Variants in RAD9A observed in about 807,000 individuals in gnomAD.
The protein encoded by RAD9A is cell cycle checkpoint control protein RAD9A.
RAD9A carries 25 observed loss-of-function variants against 41.2 expected under a neutral mutation model. The ratio of observed to expected loss-of-function variants is 0.61; its 90% CI spans 0.44 to 0.85. RAD9A has a LOEUF of 0.85. Ranked by LOEUF, RAD9A falls within the 40% of genes least tolerant of loss-of-function variation. RAD9A has a pLI of 0.00. For synonymous variants in RAD9A, 252 were observed against 210.6 expected (o/e 1.20, Z -1.70); for missense variants, 514 against 518.3 (o/e 0.99, Z 0.08).
intron 2 of RAD9A, 28 bp downstream of exon 2, chr11:67,392,259 T>TGGGGGTTTGGGTGGGGGGGGGGGGG: frequency 2.1e-6 from 1 of 484,300 alleles, no homozygotes; most frequent in Non-Finnish European, 4.1e-6. Context: ...GGGGGGCGGG[T>TGGGGGTTTGGGTGGGGGGGGGGGGG]GGGACTCCAG....
At position 67,397,731 on chromosome 11, in the gene RAD9A, C is replaced by T. The variant is rs530926872; in HGVS notation, c.*172C>T. The T allele has an allele frequency of 2.3e-5, 15 of 646,900 alleles. No individual in the cohort carries two copies. The highest frequency in any genetic ancestry group is 1.2e-4 in the South Asian group (6 of 51,344). The allele number at this position is 646,900 out of a possible 1,614,324, so 40.1% of individuals were successfully genotyped here. On this transcript the variant is annotated 3_prime_UTR_variant, in exon 11 of 11. Transcript: ENST00000307980. ...CTGTCACTGTAAAGCTGTCCCACAG[C>T]GGTCGGGCCTGGGCCGTTATCTCCC...
At chr11:67,394,765 C>G (rs1283538205) in intron 5 of RAD9A, among the ~76,000 whole-genome samples, 1 of 151,880 alleles carries the variant, frequency 6.6e-6, no homozygotes, top group Non-Finnish European at 1.5e-5. Context: ...CAGGCATGCG[C>G]CACCATGCCC....
At position 67,395,994 on chromosome 11, in the gene RAD9A, C is replaced by G. The variant is rs1862682467; in HGVS notation, c.642C>G (p.Ala214=). ...AGCTGCAGGCCCAGGAAGGGGTGGC[C>G]ATCACTTTCTGCCTCAAGGAATTCC... ...FQQLQAQEGV[A]ITFCLKEFRG... The change falls in exon 7 of 11, where the codon GCC becomes GCG. Residue 214 remains alanine, a synonymous_variant. Coordinates refer to ENST00000307980, the MANE Select transcript of RAD9A (RefSeq NM_004584.3). 1 of 1,614,016 alleles carries G rather than the reference C, an allele frequency of 6.2e-7. No homozygotes were observed. The highest frequency in any genetic ancestry group is 1.7e-5 in the Admixed American group (1 of 59,996).
Position 67,392,802 on chromosome 11 carries a change from A to T in RAD9A, c.234+20A>T, listed in dbSNP as rs1862565963. 1 of 1,613,036 alleles carries T rather than the reference A, an allele frequency of 6.2e-7. No homozygotes were observed. The highest frequency in any genetic ancestry group is 2.2e-5 in the East Asian group (1 of 44,872). ...ATGAAGGTGAGGCCCTTCCCTCAGC[A>T]GTGGCACTACTCCACCCCAGGAATC... On this transcript the variant is annotated intron_variant, in intron 3 of 10. Coordinates refer to ENST00000307980, the MANE Select transcript of RAD9A (RefSeq NM_004584.3).
At chr11:67,394,685 G>A (rs923310167) in intron 5 of RAD9A, among the ~76,000 whole-genome samples, 1 of 151,054 alleles carries the variant, frequency 6.6e-6, no homozygotes, top group African/African-American at 2.4e-5. Context: ...GCACGATCTC[G>A]GCTCACCACA....
In RAD9A at chr11:67,392,214, G is replaced by A. The variant is rs1186313322; in HGVS notation, c.88G>A (p.Glu30Lys). The change falls in exon 2 of 11, where the codon GAA (glutamate) becomes AAA (lysine). Residue 30 changes from glutamate to lysine, a missense_variant. This residue lies in a region of RAD9A where 268 missense variants were observed against 279.3 expected (regional missense o/e 0.96). Transcript: ENST00000307980. ...LSRIGDELYL[E>K]PLEDGLSLRT... The stretch of plus-strand genomic sequence containing the variant: ...CCGCATCGGGGACGAGCTCTACCTG[G>A]AACCCTTGGAGGACGGGGTGAGGGG... The A allele has an allele frequency of 9.3e-7, 1 of 1,077,164 alleles. No homozygotes were observed. The highest frequency in any genetic ancestry group is 1.3e-6 in the Non-Finnish European group (1 of 762,394). The allele number at this position is 1,077,164 out of a possible 1,614,324, so 66.7% of individuals were successfully genotyped here.
chr11:67,397,702 C>T lies in RAD9A; in HGVS notation c.*143C>T, dbSNP rs1862756627. 2 of 747,296 alleles carry T rather than the reference C, an allele frequency of 2.7e-6. No homozygotes were observed. Among genetic ancestry groups the T allele is most frequent in the East Asian group, 2.7e-5 (1 of 37,118 alleles). 46.3% of individuals were successfully genotyped at this position (747,296 alleles called of 1,614,324 possible). ...TTTCACTGCCTCTCGCAGGCCCCAGCTGGCTGTCACTGTAAAGCTGTCCCA... is the reference window on the plus strand; with the variant it reads ...TTTCACTGCCTCTCGCAGGCCCCAGTTGGCTGTCACTGTAAAGCTGTCCCA... On this transcript the variant is annotated 3_prime_UTR_variant, in exon 11 of 11. Coordinates refer to ENST00000307980, the MANE Select transcript of RAD9A (RefSeq NM_004584.3).
chr11:67,396,542 A>G (rs955838888), intron 9 of RAD9A, 142 bp downstream of exon 9: 25 of 1,088,588 alleles, frequency 2.3e-5, no homozygotes, highest in Non-Finnish European at 3.0e-5. Flanking sequence ...CCCTAACCCT[A>G]TAGTGCTCAC....
chr11:67,397,512 C>A lies in RAD9A; in HGVS notation c.1129C>A (p.Gln377Lys). The change falls in exon 11 of 11, where the codon CAG becomes AAG. Residue 377 changes from glutamine to lysine, a missense_variant. Transcript: ENST00000307980. ...GSILAPVRSP[Q>K]GPSPVLAEDS... Reference sequence around the variant, plus strand: ...CATCCTGGCCCCTGTACGCTCCCCCCAGGGCCCCAGCCCTGTGCTGGCGGA... The same window carrying A: ...CATCCTGGCCCCTGTACGCTCCCCCAAGGGCCCCAGCCCTGTGCTGGCGGA... 6.2e-7 allele frequency: 1 copy of A among 1,612,372 alleles called. No homozygotes were observed. The highest frequency in any genetic ancestry group is 2.2e-5 in the East Asian group (1 of 44,876).
rs1480928354 is a variant in RAD9A, at chr11:67,393,555, C to T, written c.294C>T (p.Cys98=). 2.5e-6 allele frequency: 4 copies of T among 1,614,220 alleles called. No homozygotes were observed. Among genetic ancestry groups the T allele is most frequent in the Admixed American group, 1.7e-5 (1 of 60,028 alleles). Residue 98 remains cysteine (C), a synonymous_variant, in exon 4 of 11, where the codon TGC becomes TGT. Transcript: ENST00000307980. ...TGGAGAAGACGGTGGAAAAATGCTGCATCTCCCTGAATGGCCGGAGCAGCC... is the reference window on the plus strand; with the variant it reads ...TGGAGAAGACGGTGGAAAAATGCTGTATCTCCCTGAATGGCCGGAGCAGCC... ...AMLEKTVEKC[C]ISLNGRSSRL... is the part of the protein sequence containing the mutation.
At position 67,397,583 on chromosome 11, in the gene RAD9A, C is replaced by T. The variant is rs1862751817; in HGVS notation, c.*24C>T. 5 of 1,558,938 alleles carry T rather than the reference C, an allele frequency of 3.2e-6. No homozygotes were observed. Among genetic ancestry groups the T allele is most frequent in the Non-Finnish European group, 4.4e-6 (5 of 1,134,828 alleles). ...GAACCAAGAACCTGAAGCCTGTACC[C>T]AGAGGCCTTGGACTAGACGAAGCCC... On this transcript the variant is annotated 3_prime_UTR_variant, in exon 11 of 11. Transcript: ENST00000307980.
At position 67,392,165 on chromosome 11, in the gene RAD9A, C is replaced by G; in HGVS notation, c.39C>G (p.Leu13=). The change falls in exon 2 of 11, where the codon CTC becomes CTG. Residue 13 remains leucine, a synonymous_variant. Coordinates refer to ENST00000307980, the MANE Select transcript of RAD9A (RefSeq NM_004584.3). ...CLVTGGNVKV[L]GKAVHSLSRI... ...CTTCCGCTCTTCTCCCCGCAGTGCT[C>G]GGCAAGGCCGTCCACTCCCTGTCCC... 1 of 1,471,608 alleles carries G rather than the reference C, an allele frequency of 6.8e-7. No individual in the cohort carries two copies. Among genetic ancestry groups the G allele is most frequent in the Non-Finnish European group, 9.2e-7 (1 of 1,089,992 alleles). The allele number at this position is 1,471,608 out of a possible 1,614,324, so 91.2% of individuals were successfully genotyped here. A position where few individuals can be genotyped will look rare whatever the true frequency, so the allele number is the denominator to read the frequency against.
chr11:67,397,649 G>A lies in RAD9A; in HGVS notation c.*90G>A, dbSNP rs889619737. ...CTGGGTCTCTCAGCCCTGGGGATCA[G>A]AAAGGTGGGCTTGCTGGAGCTGAGC... On this transcript the variant is annotated 3_prime_UTR_variant, in exon 11 of 11. Coordinates refer to ENST00000307980, the MANE Select transcript of RAD9A (RefSeq NM_004584.3). 1 of 1,212,012 alleles carries A rather than the reference G, an allele frequency of 8.3e-7. No individual in the cohort carries two copies. The highest frequency in any genetic ancestry group is 1.2e-6 in the Non-Finnish European group (1 of 868,004). 75.1% of individuals were successfully genotyped at this position (1,212,012 alleles called of 1,614,324 possible). A position where few individuals can be genotyped will look rare whatever the true frequency, so the allele number is the denominator to read the frequency against.
chr11:67,393,789 C>A lies in RAD9A; in HGVS notation c.448C>A (p.Arg150=), dbSNP rs193060554. Residue 150 remains arginine, a splice_region_variant and synonymous_variant, in exon 5 of 11, where the codon CGG becomes AGG. Transcript: ENST00000307980. ...SCPHMLRAPA[R]VLGEAVLPFS... is the part of the protein sequence containing the mutation. Reference sequence around the variant, plus strand: ...CCCCCACATGCTCCGCGCCCCAGCACGGTGAGCACACCCCTGCCCTCAGCT... The same window carrying A: ...CCCCCACATGCTCCGCGCCCCAGCAAGGTGAGCACACCCCTGCCCTCAGCT... 5 of 1,602,394 alleles carry A rather than the reference C, an allele frequency of 3.1e-6. No individual in the cohort carries two copies. Among genetic ancestry groups the A allele is most frequent in the Non-Finnish European group, 4.3e-6 (5 of 1,174,794 alleles).
chr11:67,392,144 C>T lies in RAD9A; in HGVS notation c.35-17C>T, dbSNP rs762341406. On this transcript the variant is annotated splice_polypyrimidine_tract_variant and intron_variant, in intron 1 of 10. Coordinates refer to ENST00000307980, the MANE Select transcript of RAD9A (RefSeq NM_004584.3). ...CGGAGCCGCCAGCCTAACCCCCTTC[C>T]GCTCTTCTCCCCGCAGTGCTCGGCA... is the stretch of plus-strand genomic sequence containing the variant. The T allele has an allele frequency of 4.3e-6, 7 of 1,611,472 alleles. No individual in the cohort carries two copies. The highest frequency in any genetic ancestry group is 5.9e-6 in the Non-Finnish European group (7 of 1,179,526).
chr11:67,398,265 T>G lies in RAD9A; in HGVS notation c.*706T>G, dbSNP rs1387510492. 1 of 500,936 alleles carries G rather than the reference T, an allele frequency of 2.0e-6. No homozygotes were observed. Among genetic ancestry groups the G allele is most frequent in the Non-Finnish European group, 3.6e-6 (1 of 281,126 alleles). 31.0% of individuals were successfully genotyped at this position (500,936 alleles called of 1,614,324 possible). On this transcript the variant is annotated 3_prime_UTR_variant, in exon 11 of 11. Transcript: ENST00000307980. ...TGCCAGCCCTGAGGCCAAGCACGGC[T>G]GGAGACCCACGACCTGGCCTGCCGT... is the stretch of plus-strand genomic sequence containing the variant.
At chr11:67,397,085 G>T (rs1590932467) in intron 9 of RAD9A, 94 bp from the exon 10 acceptor site, 1 of 886,540 alleles carries the variant, frequency 1.1e-6, no homozygotes, top group Admixed American at 2.0e-5. Context: ...ATCTCCAGTG[G>T]TCGGGGGCCC....
intron 5 of RAD9A, 126 bp downstream of exon 5, chr11:67,393,916 A>G: frequency 1.2e-6 from 1 of 815,798 alleles, no homozygotes; most frequent in Admixed American, 2.9e-5. Flanking sequence ...CCTCAAAGAC[A>G]TCCCATGGCC....
intron 3 of RAD9A, chr11:67,393,022 C>G (rs1361804029): frequency 3.6e-6 from 2 of 553,794 alleles, no homozygotes; most frequent in African/African-American, 3.9e-5. Context: ...TGGCTCACGC[C>G]TGTAATCCCA....
Sources: gnomAD v4.1 joint callset for allele counts (sites outside exome capture counted in the v4.1 genomes callset) on GRCh38, gnomAD v4.1.1 for gene constraint, gnomAD v4.1.1 regional missense constraint, MANE v1.5 for transcripts, NCBI Gene and HGNC (gene_info 2026-07-23, HGNC 2026-07-21) for gene names.